SSBP2: variants seen among roughly 807,000 people sequenced by gnomAD.
SSBP2 encodes single-stranded DNA-binding protein 2.
Under a neutral mutation model 61.8 loss-of-function variants are expected in SSBP2, and 17 were observed. The ratio of observed to expected loss-of-function variants is 0.28; its 90% confidence interval spans 0.19 to 0.41. The LOEUF (loss-of-function observed/expected upper bound fraction) is 0.41, where lower values mean the gene tolerates loss of function less well. Among genes scored for constraint, SSBP2 ranks in the 10% least tolerant of loss-of-function variants. The pLI is 1.00. For synonymous variants in SSBP2, 139 were observed against 141.3 expected, an observed-to-expected ratio of 0.98 and a Z score of 0.12; for missense variants, 310 against 458.7, an observed-to-expected ratio of 0.68 and a Z score of 2.96.
intron 1 of SSBP2, among the ~76,000 whole-genome samples, chr5:81,713,336 TCCCCAA>T (rs897232308): frequency 5.3e-5 from 8 of 150,756 alleles, no homozygotes; most frequent in African/African-American, 1.5e-4. Context: ...GGAACACCCC[TCCCCAA>T]CCCCAGCAAA....
intron 9 of SSBP2, among the ~76,000 whole-genome samples, chr5:81,464,895 A>G (rs887192655): frequency 6.6e-6 from 1 of 152,074 alleles, no homozygotes; most frequent in East Asian, 1.9e-4. Context: ...AAGATAATAC[A>G]TTATAAAGTG....
intron 1 of SSBP2, among the ~76,000 whole-genome samples, chr5:81,737,342 C>G (rs1032227053): frequency 4.0e-5 from 6 of 151,216 alleles, no homozygotes; most frequent in Admixed American, 3.9e-4. Context: ...TAAGTCTTCT[C>G]TCTATGCTTC....
chr5:81,549,848 G>C (rs375384867), intron 4 of SSBP2, among the ~76,000 whole-genome samples: 1 of 152,164 alleles, frequency 6.6e-6, no homozygotes, highest in Non-Finnish European at 1.5e-5. Flanking sequence ...ATCATTTATC[G>C]ACTGCCTGTT....
intron 1 of SSBP2, among the ~76,000 whole-genome samples, chr5:81,685,643 G>C (rs940366924): frequency 5.3e-5 from 8 of 152,210 alleles, no homozygotes; most frequent in African/African-American, 1.9e-4. Flanking sequence ...AACTTCTTTT[G>C]TTCTTGCGGT....
At chr5:81,750,632 C>T in intron 1 of SSBP2, 1 of 253,896 alleles carries the variant, frequency 3.9e-6, no homozygotes, top group South Asian at 4.9e-5. Context: ...CCCAGGTCCC[C>T]GGAGCCCCGG....
chr5:81,598,986 T>A (rs991253343), intron 4 of SSBP2, among the ~76,000 whole-genome samples: 1 of 152,222 alleles, frequency 6.6e-6, no homozygotes, highest in Non-Finnish European at 1.5e-5. Context: ...CTGCCTTTAT[T>A]CTTTAGTGCA....
In SSBP2 at chr5:81,448,763, T is replaced by A. The variant is rs750356658; in HGVS notation, c.723+27A>T. 1.9e-6 allele frequency: 3 copies of A among 1,604,896 alleles called. No individual in the cohort carries two copies. In the African/African-American group the frequency reaches 4.0e-5, roughly 21 times the overall value. On this transcript the variant is annotated intron_variant, in intron 11 of 16. Coordinates refer to ENST00000320672, the MANE Select transcript of SSBP2 (RefSeq NM_012446.5). ...AAATAAAATGTAACATCAATTCTTA[T>A]AAGCAAACAAACCCAAATGTACTTA...
intron 1 of SSBP2, among the ~76,000 whole-genome samples, chr5:81,667,535 T>C (rs1291775272): frequency 1.3e-5 from 2 of 152,050 alleles, no homozygotes; most frequent in African/African-American, 2.4e-5. Flanking sequence ...CTAACAATTA[T>C]GGGTAATTTT....
chr5:81,628,405 G>A (rs1747392155), intron 3 of SSBP2, among the ~76,000 whole-genome samples: 1 of 152,206 alleles, frequency 6.6e-6, no homozygotes, highest in African/African-American at 2.4e-5. Context: ...TGAGATTTGA[G>A]TGGGGACACA....
At chr5:81,534,641 A>C (rs1466184519) in intron 4 of SSBP2, among the ~76,000 whole-genome samples, 1 of 152,114 alleles carries the variant, frequency 6.6e-6, no homozygotes, top group Non-Finnish European at 1.5e-5. Flanking sequence ...AGGATGTGGC[A>C]ATAGAAATTT....
At chr5:81,521,055 A>C (rs1769443173) in intron 4 of SSBP2, among the ~76,000 whole-genome samples, 1 of 152,068 alleles carries the variant, frequency 6.6e-6, no homozygotes, top group Non-Finnish European at 1.5e-5. Flanking sequence ...TATTTTATTT[A>C]ACTGTTTTAC....
chr5:81,675,695 C>G (rs1381512271), intron 1 of SSBP2, among the ~76,000 whole-genome samples: 2 of 152,144 alleles, frequency 1.3e-5, no homozygotes, highest in African/African-American at 4.8e-5. Context: ...TCCCATAATA[C>G]AAGTTCCACA....
intron 8 of SSBP2, among the ~76,000 whole-genome samples, chr5:81,471,766 T>A (rs1451522382): frequency 6.6e-6 from 1 of 151,948 alleles, no homozygotes; most frequent in Non-Finnish European, 1.5e-5. Flanking sequence ...GCTTTGAGGC[T>A]GCCACATATA....
chr5:81,439,247 A>C (rs1485308944), intron 14 of SSBP2, among the ~76,000 whole-genome samples: 1 of 152,162 alleles, frequency 6.6e-6, no homozygotes, highest in South Asian at 2.1e-4. Context: ...AAAAAAAATC[A>C]TAACTCCCAT....
intron 1 of SSBP2, among the ~76,000 whole-genome samples, chr5:81,737,662 C>T (rs1013298054): frequency 1.3e-5 from 2 of 151,802 alleles, no homozygotes; most frequent in African/African-American, 4.8e-5. Flanking sequence ...GTGGCGGGCG[C>T]CTGTAGTCCC....
chr5:81,691,010 G>A (rs1208580171), intron 1 of SSBP2, among the ~76,000 whole-genome samples: 1 of 152,004 alleles, frequency 6.6e-6, no homozygotes, highest in East Asian at 1.9e-4. Flanking sequence ...ATTTTAAAAT[G>A]TATTGAAACA....
intron 1 of SSBP2, among the ~76,000 whole-genome samples, chr5:81,668,167 G>A (rs1384010157): frequency 6.8e-6 from 1 of 146,358 alleles, no homozygotes; most frequent in African/African-American, 2.5e-5. Flanking sequence ...AATTTCCTGG[G>A]AGCTAAATGC....
At chr5:81,710,377 A>G (rs1754689948) in intron 1 of SSBP2, among the ~76,000 whole-genome samples, 1 of 152,050 alleles carries the variant, frequency 6.6e-6, no homozygotes, top group Admixed American at 6.5e-5. Context: ...AATCCCAAAG[A>G]AAGAATCTTG....
intron 4 of SSBP2, among the ~76,000 whole-genome samples, chr5:81,584,405 C>CATAA (rs1774910791): frequency 6.6e-6 from 1 of 152,142 alleles, no homozygotes; most frequent in African/African-American, 2.4e-5. Context: ...ATTTTTAACT[C>CATAA]TTATCAGTAC....
Sources: allele counts gnomAD v4.1 joint callset (sites outside exome capture counted in the v4.1 genomes callset), GRCh38; gene constraint gnomAD v4.1.1; transcripts MANE v1.5; gene names NCBI Gene and HGNC (gene_info 2026-07-23, HGNC 2026-07-21).